Variants in PKIB observed in about 807,000 individuals in gnomAD.
The protein encoded by PKIB is PKI-beta.
In PKIB, 2 loss-of-function variants were observed where a neutral mutation model predicts 4.5. That is an observed-to-expected ratio of 0.44 (90% confidence interval 0.18 to 1.39). PKIB has a LOEUF of 1.39. Ranked by LOEUF, PKIB falls within the 40% of genes most tolerant of loss-of-function variation. The pLI, the probability that PKIB is intolerant of heterozygous loss-of-function variation, is 0.27. For synonymous variants in PKIB, 38 were observed against 36.0 expected (o/e 1.06, Z -0.20); for missense variants, 94 against 92.6 (o/e 1.02, Z -0.06).
chr6:122,600,824 A>C (rs888874172), intron 3 of PKIB, among the ~76,000 whole-genome samples: 1 of 152,164 alleles, frequency 6.6e-6, no homozygotes, highest in Non-Finnish European at 1.5e-5. Flanking sequence ...ATGACCCATA[A>C]TGAAGAGAAA....
At chr6:122,648,201 C>G (rs1431621778) in intron 2 of PKIB, among the ~76,000 whole-genome samples, 1 of 152,214 alleles carries the variant, frequency 6.6e-6, no homozygotes, top group Non-Finnish European at 1.5e-5. Context: ...AGTGGAAGAA[C>G]ACCTCCCTTT....
In PKIB at chr6:122,546,317, G is replaced by A. The variant is rs570075745; in HGVS notation, c.-247-39604G>A. The stretch of plus-strand genomic sequence containing the variant: ...CATCCTAAAACCTATACCTGGAGCC[G>A]TGCTCATCACCAGATTACTCACTAC... On this transcript the variant is annotated intron_variant, in intron 2 of 6. Coordinates refer to the PKIB transcript ENST00000392491. 5.2e-4 allele frequency among the ~76,000 whole-genome samples: 79 copies of A among 151,168 alleles called. 1 individual carries two copies. The South Asian group carries it at 7.1e-3, about 14-fold the overall frequency.
At chr6:122,571,247 G>A (rs1049458048) in intron 2 of PKIB, among the ~76,000 whole-genome samples, 1 of 152,144 alleles carries the variant, frequency 6.6e-6, no homozygotes, top group African/African-American at 2.4e-5. Context: ...AAGAAATATG[G>A]GATTATGTAA....
At chr6:122,524,504 C>G (rs1030430126) in intron 2 of PKIB, among the ~76,000 whole-genome samples, 5 of 152,078 alleles carry the variant, frequency 3.3e-5, no homozygotes, top group African/African-American at 1.2e-4. Context: ...ATAGAAGAAT[C>G]TTGGAAGTTC....
intron 3 of PKIB, among the ~76,000 whole-genome samples, chr6:122,692,510 T>C (rs1778397355): frequency 6.6e-6 from 1 of 152,184 alleles, no homozygotes; most frequent in African/African-American, 2.4e-5. Flanking sequence ...ATTGCTTATT[T>C]TCACTACTTG....
At chr6:122,564,244 C>G (rs9375148) in intron 2 of PKIB, among the ~76,000 whole-genome samples, 17,999 of 152,160 alleles carry the variant, frequency 0.12, 1,277 homozygotes, top group East Asian at 0.21. Flanking sequence ...TCTGTGGGTC[C>G]TCTCGGGATT....
chr6:122,566,695 A>G (rs1263481613), intron 2 of PKIB, among the ~76,000 whole-genome samples: 2 of 150,746 alleles, frequency 1.3e-5, no homozygotes, highest in Non-Finnish European at 3.0e-5. Flanking sequence ...CTGCACAAAC[A>G]TCTTCTCATA....
intron 3 of PKIB, among the ~76,000 whole-genome samples, chr6:122,587,216 C>A (rs1416093337): frequency 6.6e-6 from 1 of 152,060 alleles, no homozygotes. Flanking sequence ...GTGATGTTCC[C>A]CTTCCTGTGT....
chr6:122,515,940 C>G (rs963122917), intron 2 of PKIB, among the ~76,000 whole-genome samples: 1 of 152,142 alleles, frequency 6.6e-6, no homozygotes, highest in Non-Finnish European at 1.5e-5. Flanking sequence ...TTCTCCATCT[C>G]TTGACCTTGT....
chr6:122,512,977 T>C (rs949125030), intron 2 of PKIB, among the ~76,000 whole-genome samples: 6 of 152,190 alleles, frequency 3.9e-5, no homozygotes, highest in Non-Finnish European at 7.3e-5. Flanking sequence ...TATGTATAGG[T>C]GTGTATGTAT....
At chr6:122,502,842 C>T (rs1273318346) in intron 2 of PKIB, among the ~76,000 whole-genome samples, 1 of 152,026 alleles carries the variant, frequency 6.6e-6, no homozygotes, top group Non-Finnish European at 1.5e-5. Context: ...TTTTTCATTG[C>T]TAATTACATA....
chr6:122,506,077 T>G (rs1776387003), intron 2 of PKIB, among the ~76,000 whole-genome samples: 2 of 152,186 alleles, frequency 1.3e-5, no homozygotes, highest in Non-Finnish European at 2.9e-5. Flanking sequence ...TAAACACTTT[T>G]TTTTAACATT....
At chr6:122,506,694 ATTTT>A (rs35341464) in intron 2 of PKIB, among the ~76,000 whole-genome samples, 1 of 116,568 alleles carries the variant, frequency 8.6e-6, no homozygotes, top group Non-Finnish European at 1.7e-5. Context: ...TGGAGATGTA[ATTTT>A]TTTTTTTTTT....
intron 3 of PKIB, among the ~76,000 whole-genome samples, chr6:122,698,369 G>A (rs770795798): frequency 1.3e-4 from 20 of 152,088 alleles, no homozygotes; most frequent in Non-Finnish European, 2.5e-4. Flanking sequence ...CCATCCTGTC[G>A]CAAAGAGGTC....
At chr6:122,641,110 A>G (rs896813688) in intron 2 of PKIB, among the ~76,000 whole-genome samples, 7 of 152,212 alleles carry the variant, frequency 4.6e-5, no homozygotes, top group Non-Finnish European at 7.3e-5. Context: ...ATTAGTATGC[A>G]TTGTTCCAGT....
intron 2 of PKIB, among the ~76,000 whole-genome samples, chr6:122,500,028 A>C (rs1776182535): frequency 6.6e-6 from 1 of 152,194 alleles, no homozygotes; most frequent in Non-Finnish European, 1.5e-5. Flanking sequence ...ACTATGAAAC[A>C]CTGCTGAAAG....
rs184406971 is a variant in PKIB at position 122,616,211 on chromosome 6, G to T, written c.-161+5676G>T. 3.2e-3 allele frequency among the ~76,000 whole-genome samples: 491 copies of T among 152,256 alleles called. 3 individuals are homozygous for T. The highest frequency in any genetic ancestry group is 4.1e-3 in the Non-Finnish European group (280 of 68,014). On this transcript the variant is annotated intron_variant, in intron 1 of 4. Coordinates refer to ENST00000368452, the MANE Select transcript of PKIB (RefSeq NM_181795.3). ...GAGCCCAAGAGGAGAAGCTGGAAAGGGCATTGTCATAGCGACAAAGGTATG... is the reference window on the plus strand; with the variant it reads ...GAGCCCAAGAGGAGAAGCTGGAAAGTGCATTGTCATAGCGACAAAGGTATG...
chr6:122,519,357 A>G (rs965338422), intron 2 of PKIB, among the ~76,000 whole-genome samples: 1 of 152,154 alleles, frequency 6.6e-6, no homozygotes. Flanking sequence ...GATGAGTTGT[A>G]TAATTGTTTC....
chr6:122,549,344 G>T (rs182981513), intron 2 of PKIB, among the ~76,000 whole-genome samples: 9 of 152,196 alleles, frequency 5.9e-5, no homozygotes, highest in African/African-American at 2.2e-4. Context: ...TTTTTTCCAA[G>T]AAATTTTTCC....
Sources: allele counts gnomAD v4.1 joint callset (sites outside exome capture counted in the v4.1 genomes callset), GRCh38; gene constraint gnomAD v4.1.1; transcripts MANE v1.5; gene names NCBI Gene and HGNC (gene_info 2026-07-23, HGNC 2026-07-21).